KLF12: variants seen among roughly 807,000 people sequenced by gnomAD.
KLF12 encodes KLF transcription factor 12.
In KLF12, 9 loss-of-function variants were observed where a neutral mutation model predicts 37.8. The observed-to-expected ratio is 0.24, with a 90% CI of 0.14 to 0.42. KLF12 has a LOEUF of 0.42. KLF12 is among the 10% of genes least tolerant of loss of function. The pLI is 1.00. For missense variants in KLF12, 411 were observed against 516.0 expected (o/e 0.80, Z 1.97); for synonymous variants, 208 against 202.1 (o/e 1.03, Z -0.25).
chr13:73,751,173 T>C (rs1246580634), intron 6 of KLF12, among the ~76,000 whole-genome samples: 2 of 152,230 alleles, frequency 1.3e-5, no homozygotes, highest in African/African-American at 4.8e-5. Context: ...TCCATGACTT[T>C]ACTATTGTGA....
chr13:73,791,465 C>T (rs1177998264), intron 5 of KLF12, among the ~76,000 whole-genome samples: 1 of 151,816 alleles, frequency 6.6e-6, no homozygotes, highest in Non-Finnish European at 1.5e-5. Context: ...TATATATTGT[C>T]TTCTTTAGGG....
chr13:74,217,351 C>T, the KLF12 span, among the ~76,000 whole-genome samples: 2 of 150,902 alleles, frequency 1.3e-5, no homozygotes, highest in African/African-American at 4.9e-5. Context: ...TCTACAGACA[C>T]TACTGGTAGT....
chr13:73,972,342 T>G (rs2138113491), intron 2 of KLF12, among the ~76,000 whole-genome samples: 1 of 152,180 alleles, frequency 6.6e-6, no homozygotes, highest in East Asian at 1.9e-4. Context: ...TTTAAAACAA[T>G]CTTCAAAGTT....
chr13:73,762,612 A>G (rs887967755), intron 6 of KLF12, among the ~76,000 whole-genome samples: 2 of 152,156 alleles, frequency 1.3e-5, no homozygotes, highest in African/African-American at 4.8e-5. Flanking sequence ...ATTCTCAAAT[A>G]CAGTGTTTGC....
the KLF12 span, among the ~76,000 whole-genome samples, chr13:74,278,995 C>T: frequency 6.6e-6 from 1 of 152,164 alleles, no homozygotes; most frequent in Non-Finnish European, 1.5e-5. Flanking sequence ...AGAGGTAATA[C>T]ATCTTTTCCC....
chr13:74,050,040 G>A (rs1423448243), intron 1 of KLF12, among the ~76,000 whole-genome samples: 2 of 152,068 alleles, frequency 1.3e-5, no homozygotes, highest in Admixed American at 1.3e-4. Flanking sequence ...CAGAATGATA[G>A]GGCCCACTGA....
intron 1 of KLF12, 100 bp from the exon 2 acceptor site, chr13:73,995,153 T>C (rs1203630638): frequency 1.4e-6 from 1 of 735,962 alleles, no homozygotes; most frequent in Admixed American, 2.4e-5. Context: ...TACAGTTCCT[T>C]AAGCTCGTGA....
At chr13:73,865,081 A>C (rs1352007020) in intron 3 of KLF12, among the ~76,000 whole-genome samples, 1 of 152,168 alleles carries the variant, frequency 6.6e-6, no homozygotes, top group Non-Finnish European at 1.5e-5. Flanking sequence ...AGGAGTCTAT[A>C]ATAAGTCAAA....
At chr13:73,908,982 G>A (rs948076671) in intron 3 of KLF12, among the ~76,000 whole-genome samples, 26 of 152,292 alleles carry the variant, frequency 1.7e-4, no homozygotes, top group Non-Finnish European at 2.4e-4. Flanking sequence ...GTACAGTTAC[G>A]TAATGCACAG....
At chr13:74,227,882 A>T in the KLF12 span, among the ~76,000 whole-genome samples, 2 of 152,196 alleles carry the variant, frequency 1.3e-5, no homozygotes, top group Admixed American at 6.5e-5. Flanking sequence ...ATAACAGATA[A>T]TATAATTTTT....
At position 73,838,356 on chromosome 13, in the gene KLF12, T is replaced by C. The variant is rs183762456; in HGVS notation, c.670+7471A>G. ...CTTTGAAACTCCTGAATGGATGCTA[T>C]GAAAATAACATATTTTTGGAGGATT... On this transcript the variant is annotated intron_variant, in intron 4 of 7. Transcript: ENST00000377669. Among the ~76,000 whole-genome samples the C allele has an allele frequency of 3.2e-3, 486 of 152,296 alleles. 5 individuals carry two copies. Among genetic ancestry groups the C allele is most frequent in the African/African-American group, 0.011 (472 of 41,592 alleles).
chr13:74,202,852 C>A, the KLF12 span, among the ~76,000 whole-genome samples: 593 of 152,138 alleles, frequency 3.9e-3, 7 homozygotes, highest in African/African-American at 0.013. Context: ...AGCCCTTGTT[C>A]AAAAAATGGA....
In KLF12 at chr13:73,962,587, G is replaced by A. The variant is rs141920063; in HGVS notation, c.34-18517C>T. On this transcript the variant is annotated intron_variant, in intron 2 of 7. Coordinates refer to ENST00000377669, the MANE Select transcript of KLF12 (RefSeq NM_007249.5). ...GAGGTTGCGTATGTGTAGGGATGAG[G>A]GGTAGATGGGAACTCTCTGTACTTT... is the stretch of plus-strand genomic sequence containing the variant. Among the ~76,000 whole-genome samples the A allele has an allele frequency of 4.7e-4, 71 of 152,210 alleles. 1 individual carries two copies. Among genetic ancestry groups the A allele is most frequent in the African/African-American group, 1.4e-3 (60 of 41,514 alleles).
At chr13:73,788,225 T>C (rs933353639) in intron 5 of KLF12, among the ~76,000 whole-genome samples, 1 of 152,312 alleles carries the variant, frequency 6.6e-6, no homozygotes, top group African/African-American at 2.4e-5. Context: ...ATTTGGCAAA[T>C]GCAGACAATT....
chr13:74,174,745 T>A, the KLF12 span, among the ~76,000 whole-genome samples: 1 of 152,224 alleles, frequency 6.6e-6, no homozygotes, highest in Non-Finnish European at 1.5e-5. Flanking sequence ...CAGCACCTCT[T>A]CCATTTACGC....
intron 1 of KLF12, among the ~76,000 whole-genome samples, chr13:74,037,174 G>C (rs927931886): frequency 1.4e-5 from 2 of 139,584 alleles, no homozygotes; most frequent in South Asian, 4.8e-4. Context: ...TTGCACTCCA[G>C]CCAAGGCAAC....
At chr13:74,126,816 G>C (rs1877968043) in intron 1 of KLF12, among the ~76,000 whole-genome samples, 1 of 152,152 alleles carries the variant, frequency 6.6e-6, no homozygotes, top group Non-Finnish European at 1.5e-5. Flanking sequence ...GAGGTGACAC[G>C]TATAGTATTC....
At chr13:73,832,304 C>T (rs549157504) in intron 4 of KLF12, among the ~76,000 whole-genome samples, 51 of 152,272 alleles carry the variant, frequency 3.3e-4, no homozygotes, top group Non-Finnish European at 2.6e-4. Context: ...CTCCAACTTT[C>T]GCCTCAAATG....
At chr13:73,878,695 GCTA>G (rs146821244) in intron 3 of KLF12, among the ~76,000 whole-genome samples, 16,504 of 152,122 alleles carry the variant, frequency 0.11, 1,071 homozygotes, top group African/African-American at 0.2. Context: ...GGGAGGAGGT[GCTA>G]CTGAGATTGG....
Sources: allele counts gnomAD v4.1 joint callset (sites outside exome capture counted in the v4.1 genomes callset), GRCh38; gene constraint gnomAD v4.1.1; transcripts MANE v1.5; gene names NCBI Gene and HGNC (gene_info 2026-07-23, HGNC 2026-07-21).